PEX1: variants seen among roughly 807,000 people sequenced by gnomAD.
PEX1 encodes the protein peroxisomal ATPase PEX1.
PEX1 carries 97 observed loss-of-function variants against 152.5 expected under a neutral mutation model. The observed-to-expected ratio is 0.64, with a 90% CI of 0.54 to 0.75. The LOEUF (loss-of-function observed/expected upper bound fraction) is 0.75, where lower values mean the gene tolerates loss of function less well. PEX1 is among the 30% of genes least tolerant of loss of function. The probability of loss-of-function intolerance (pLI) is 0.00; values close to 1 mark genes in which losing one functional copy is unlikely to be tolerated. For synonymous variants in PEX1, 485 were observed against 531.6 expected (o/e 0.91, Z 1.21); for missense variants, 1,357 against 1,516.3 (o/e 0.89, Z 1.74).
At chr7:92,494,119 A>C (rs894500262) in intron 19 of PEX1, 174 bp downstream of exon 19, 5 of 619,406 alleles carry the variant, frequency 8.1e-6, no homozygotes, top group Non-Finnish European at 1.5e-5. Flanking sequence ...GGGCCAAAAA[A>C]AGGCTTTGCA....
chr7:92,523,102 A>C (rs756735508), intron 1 of PEX1, among the ~76,000 whole-genome samples: 1 of 152,232 alleles, frequency 6.6e-6, no homozygotes, highest in Non-Finnish European at 1.5e-5. Context: ...CTATGATTAA[A>C]CAATTACAAA....
In PEX1 at chr7:92,504,792, G is replaced by A. The variant is rs750642526; in HGVS notation, c.2011C>T (p.Pro671Ser). 4.3e-6 allele frequency: 7 copies of A among 1,614,150 alleles called. No individual in the cohort carries two copies. The highest frequency in any genetic ancestry group is 5.9e-6 in the Non-Finnish European group (7 of 1,180,012). ...LDDLDLIAGL[P>S]AVPEHEHSPD... ...CTGTGCTCATGTTCCGGGACAGCAG[G>A]CAGTCCAGCAATGAGGTCAAGGTCA... The change falls in exon 12 of 24, where the codon CCT becomes TCT. Residue 671 changes from proline to serine, a missense_variant. By Grantham distance (74) the Pro-to-Ser change is moderately conservative. Transcript: ENST00000248633.
intron 9 of PEX1, chr7:92,507,424 C>G (rs892369540): frequency 9.4e-6 from 3 of 319,238 alleles, no homozygotes; most frequent in Non-Finnish European, 1.2e-5. Flanking sequence ...TTTGTGTGTG[C>G]ATTTGTTGTA....
Position 92,513,838 on chromosome 7 carries a change from T to C in PEX1, c.1359+10A>G, listed in dbSNP as rs1452023751. 31 of 1,589,828 alleles carry C rather than the reference T, an allele frequency of 1.9e-5. No individual in the cohort carries two copies. Among genetic ancestry groups the C allele is most frequent in the Non-Finnish European group, 2.6e-5 (30 of 1,159,774 alleles). ...AAGAATTTTGATGTAACATATATAT[T>C]TGAACTCACTAAATTCTCTCTAGGT... is the stretch of plus-strand genomic sequence containing the variant. On this transcript the variant is annotated intron_variant, in intron 6 of 23. Coordinates refer to ENST00000248633, the MANE Select transcript of PEX1 (RefSeq NM_000466.3).
In PEX1 at chr7:92,509,329, C is replaced by G; in HGVS notation, c.1670G>C (p.Gly557Ala). The change falls in exon 9 of 24, where the codon GGA (glycine) becomes GCA (alanine). Residue 557 changes from glycine (G) to alanine (A), a missense_variant and splice_region_variant. Transcript: ENST00000248633. ...TGCTAGTTTGGCCATAACTTCTTAC[C>G]CCAAAGAGCTCAGCTTTAAAAAAGG... is the stretch of plus-strand genomic sequence containing the variant. ...ILPFLKLSSL[G>A]GVNSLGVSSL... 1 of 1,607,234 alleles carries G rather than the reference C, an allele frequency of 6.2e-7. No individual in the cohort carries two copies. Among genetic ancestry groups the G allele is most frequent in the Non-Finnish European group, 8.5e-7 (1 of 1,174,270 alleles).
At chr7:92,515,067 CTATATATATATA>C (rs67750906) in intron 5 of PEX1, among the ~76,000 whole-genome samples, 1,533 of 125,032 alleles carry the variant, frequency 0.012, 43 homozygotes, top group Non-Finnish European at 0.018. Context: ...AAAAAATTAT[CTATATATATATA>C]TATATATATA....
chr7:92,496,882 A>C (rs1324977538), intron 16 of PEX1, 105 bp from the exon 17 acceptor site: 1 of 758,948 alleles, frequency 1.3e-6, no homozygotes, highest in African/African-American at 1.8e-5. Flanking sequence ...ATATGATTAA[A>C]TGGATGTCTT....
intron 13 of PEX1, among the ~76,000 whole-genome samples, chr7:92,502,375 T>C (rs1185893380): frequency 6.6e-6 from 1 of 152,190 alleles, no homozygotes; most frequent in African/African-American, 2.4e-5. Context: ...CTTAATAAAG[T>C]TGTGAAAAAA....
intron 13 of PEX1, among the ~76,000 whole-genome samples, chr7:92,502,560 C>T (rs910450543): frequency 6.6e-6 from 1 of 151,850 alleles, no homozygotes; most frequent in Non-Finnish European, 1.5e-5. Context: ...AGATATAATA[C>T]CTTTGTTCTT....
intron 5 of PEX1, among the ~76,000 whole-genome samples, chr7:92,515,306 T>A (rs1792689290): frequency 1.4e-5 from 2 of 148,032 alleles, no homozygotes; most frequent in Non-Finnish European, 1.5e-5. Flanking sequence ...ACAATCAAGT[T>A]TCCTGTTTGT....
At chr7:92,498,749 G>GA (rs1253321242) in intron 16 of PEX1, among the ~76,000 whole-genome samples, 8 of 151,986 alleles carry the variant, frequency 5.3e-5, no homozygotes, top group Non-Finnish European at 1.5e-5. Flanking sequence ...CCTTATACCT[G>GA]AAAAAAACTT....
At chr7:92,518,912 T>A (rs950438834) in intron 3 of PEX1, 83 bp downstream of exon 3, 14 of 1,021,866 alleles carry the variant, frequency 1.4e-5, no homozygotes, top group African/African-American at 4.7e-5. Context: ...GAATATATAA[T>A]AAAGCTTAGA....
rs201443294 is a variant in PEX1 at position 92,504,743 on chromosome 7, C to T, written c.2060G>A (p.Arg687Gln). ...GTGGATGCATTTACCATGAGCAAGC[C>T]GCTGGCTCTGCACCGCATCAGGACT... ...EHSPDAVQSQ[R>Q]LAHALNDMIK... Residue 687 changes from arginine (R) to glutamine (Q), a missense_variant, in exon 12 of 24, where the codon CGG becomes CAG. By Grantham distance (43) the Arg-to-Gln change is conservative (BLOSUM62 1). Transcript: ENST00000248633. The T allele has an allele frequency of 2.5e-5, 40 of 1,614,080 alleles. 1 individual carries two copies. The African/African-American group carries it at 3.1e-4, about 12-fold the overall frequency.
chr7:92,501,459 G>C (rs1328043717), intron 15 of PEX1, 48 bp downstream of exon 15: 1 of 1,495,810 alleles, frequency 6.7e-7, no homozygotes, highest in South Asian at 1.1e-5. Flanking sequence ...CAATAATACA[G>C]TGGTTCTTCT....
At chr7:92,492,922 A>G (rs777994556) in intron 20 of PEX1, 31 bp downstream of exon 20, 3 of 1,566,452 alleles carry the variant, frequency 1.9e-6, no homozygotes, top group Non-Finnish European at 2.6e-6. Context: ...TCACTCATAA[A>G]ATGTCATAAC....
At chr7:92,492,871 G>A in intron 20 of PEX1, 82 bp downstream of exon 20, 1 of 1,063,234 alleles carries the variant, frequency 9.4e-7, no homozygotes, top group East Asian at 2.4e-5. Flanking sequence ...TTAAAAAATA[G>A]CATTTTTTAA....
rs1792880301 is a variant in PEX1, at chr7:92,518,018, T to C, written c.497A>G (p.Tyr166Cys). 2 of 1,614,174 alleles carry C rather than the reference T, an allele frequency of 1.2e-6. No individual in the cohort carries two copies. The highest frequency in any genetic ancestry group is 1.3e-5 in the African/African-American group (1 of 75,062). Residue 166 changes from tyrosine (Y) to cysteine (C), a missense_variant, in exon 5 of 24, where the codon TAT becomes TGT. Tyr to Cys is a radical substitution (Grantham distance 194, BLOSUM62 -2). Transcript: ENST00000248633. Reference sequence around the variant, plus strand: ...TTTGGTGTCAGTTTCCAGCCTTCCATAAGAGGCAGCTGGTATTAGTGCAAC... The same window carrying C: ...TTTGGTGTCAGTTTCCAGCCTTCCACAAGAGGCAGCTGGTATTAGTGCAAC... ...QIVALIPAAS[Y>C]GRLETDTKLL...
chr7:92,506,325 A>G lies in PEX1; in HGVS notation c.1823T>C (p.Leu608Ser), dbSNP rs1485155348. 3 of 1,608,608 alleles carry G rather than the reference A, an allele frequency of 1.9e-6. No homozygotes were observed. The highest frequency in any genetic ancestry group is 4.5e-5 in the East Asian group (2 of 44,800). The stretch of plus-strand genomic sequence containing the variant: ...TGCTTCTTTACAGATTGCTTTGGCT[A>G]AAGTTGATTTTCCACTTCCCTAGAA... ...TGGKGSGKST[L>S]AKAICKEAFD... Residue 608 changes from leucine (L) to serine (S), a missense_variant, in exon 11 of 24, where the codon TTA (leucine) becomes TCA (serine). By Grantham distance (145) the Leu-to-Ser change is moderately radical. Transcript: ENST00000248633.
At chr7:92,491,251 A>G in intron 21 of PEX1, 21 bp downstream of exon 21, 2 of 1,449,284 alleles carry the variant, frequency 1.4e-6, no homozygotes, top group South Asian at 1.1e-5. Context: ...AGAACTGTAT[A>G]ATGATGACTG....
Sources: allele counts gnomAD v4.1 joint callset (sites outside exome capture counted in the v4.1 genomes callset), GRCh38; gene constraint gnomAD v4.1.1; transcripts MANE v1.5; gene names NCBI Gene and HGNC (gene_info 2026-07-23, HGNC 2026-07-21).